The following ALK variants were observed in gnomAD, a reference collection of about 807,000 sequenced individuals.
The protein encoded by ALK is ALK tyrosine kinase receptor.
ALK carries 74 observed loss-of-function variants against 163.1 expected under a neutral mutation model. That is an observed-to-expected ratio of 0.45 (90% CI 0.38 to 0.55). ALK has a LOEUF of 0.55. Among genes scored for constraint, ALK ranks in the 20% least tolerant of loss-of-function variants. The pLI is 0.00. For missense variants in ALK, 2,063 were observed against 2,105.3 expected, an observed-to-expected ratio of 0.98 and a Z score of 0.39; for synonymous variants, 960 against 843.2, an observed-to-expected ratio of 1.14 and a Z score of -2.40.
At chr2:29,222,860 A>G (rs1400815436) in intron 20 of ALK, among the ~76,000 whole-genome samples, 6 of 152,212 alleles carry the variant, frequency 3.9e-5, no homozygotes, top group African/African-American at 1.4e-4. Flanking sequence ...TCATTCAATC[A>G]GTAGTTATTG....
chr2:29,236,298 T>A (rs1042592043), intron 13 of ALK, among the ~76,000 whole-genome samples: 1 of 152,104 alleles, frequency 6.6e-6, no homozygotes. Flanking sequence ...CTCTGCTCCA[T>A]CTCCCCTCTT....
chr2:29,300,329 A>C (rs961103380), intron 8 of ALK, among the ~76,000 whole-genome samples: 2 of 152,114 alleles, frequency 1.3e-5, no homozygotes, highest in African/African-American at 4.8e-5. Flanking sequence ...CAGGTGGATC[A>C]CTTGAGGTCA....
intron 1 of ALK, among the ~76,000 whole-genome samples, chr2:29,810,150 G>A (rs1196324669): frequency 1.3e-5 from 2 of 152,144 alleles, no homozygotes; most frequent in African/African-American, 4.8e-5. Flanking sequence ...AGCCGGACAT[G>A]GTGGCTCATG....
intron 9 of ALK, among the ~76,000 whole-genome samples, chr2:29,284,739 C>A (rs917101854): frequency 6.6e-6 from 1 of 152,196 alleles, no homozygotes; most frequent in Non-Finnish European, 1.5e-5. Context: ...CTACTCCTTG[C>A]TCCAATGATC....
At chr2:29,743,308 G>T (rs1015448005) in intron 1 of ALK, among the ~76,000 whole-genome samples, 2 of 152,152 alleles carry the variant, frequency 1.3e-5, no homozygotes, top group Non-Finnish European at 2.9e-5. Flanking sequence ...AGAGTATGAT[G>T]TTCGACTTGG....
intron 11 of ALK, among the ~76,000 whole-genome samples, chr2:29,260,051 T>C (rs1483161790): frequency 6.6e-6 from 1 of 152,206 alleles, no homozygotes; most frequent in African/African-American, 2.4e-5. Context: ...ATGTGTGTCA[T>C]CTTTTTCATT....
At chr2:29,862,892 AC>A (rs1455870795) in intron 1 of ALK, among the ~76,000 whole-genome samples, 1 of 152,266 alleles carries the variant, frequency 6.6e-6, no homozygotes, top group Non-Finnish European at 1.5e-5. Flanking sequence ...AGTAATCAAA[AC>A]ATCATACTGG....
chr2:29,548,707 A>C (rs1471238227), intron 3 of ALK, among the ~76,000 whole-genome samples: 1 of 152,188 alleles, frequency 6.6e-6, no homozygotes, highest in Non-Finnish European at 1.5e-5. Flanking sequence ...TGCCAAGTAC[A>C]GTGTTTCTTC....
chr2:29,385,666 C>T (rs568456837), intron 4 of ALK, among the ~76,000 whole-genome samples: 2 of 152,298 alleles, frequency 1.3e-5, no homozygotes, highest in South Asian at 4.1e-4. Context: ...GCTGAGATTG[C>T]AGGTGTGAGC....
intron 12 of ALK, among the ~76,000 whole-genome samples, chr2:29,248,994 A>G (rs4293530): frequency 0.046 from 7,008 of 152,212 alleles, 545 homozygotes; most frequent in African/African-American, 0.16. Flanking sequence ...TGATTTCTCC[A>G]CCCATGGGCC....
intron 1 of ALK, among the ~76,000 whole-genome samples, chr2:29,872,564 A>G (rs1666606689): frequency 6.6e-6 from 1 of 152,190 alleles, no homozygotes; most frequent in South Asian, 2.1e-4. Flanking sequence ...GTTTATCCTC[A>G]TGGTTGTGTG....
intron 4 of ALK, among the ~76,000 whole-genome samples, chr2:29,456,558 G>A (rs1670958661): frequency 6.6e-6 from 1 of 152,136 alleles, no homozygotes; most frequent in African/African-American, 2.4e-5. Context: ...AGGGGCTAGA[G>A]GGAGAATGAG....
chr2:29,506,083 C>G (rs1672312111), intron 4 of ALK, among the ~76,000 whole-genome samples: 1 of 152,100 alleles, frequency 6.6e-6, no homozygotes, highest in African/African-American at 2.4e-5. Context: ...GTAACTGTGG[C>G]CAGGAAGGAA....
chr2:29,594,051 T>C (rs557098530), intron 3 of ALK, among the ~76,000 whole-genome samples: 1 of 152,284 alleles, frequency 6.6e-6, no homozygotes, highest in Admixed American at 6.5e-5. Flanking sequence ...TACTAGTATC[T>C]AGTGGGTAGA....
chr2:29,428,636 C>T (rs1488865989), intron 4 of ALK, among the ~76,000 whole-genome samples: 1 of 151,704 alleles, frequency 6.6e-6, no homozygotes, highest in Admixed American at 6.6e-5. Flanking sequence ...AAGAAATTAC[C>T]TACAAAGAAA....
At chr2:29,526,566 A>C (rs540804219) in intron 4 of ALK, among the ~76,000 whole-genome samples, 5 of 152,342 alleles carry the variant, frequency 3.3e-5, no homozygotes, top group African/African-American at 1.2e-4. Flanking sequence ...AAAAGAGAGA[A>C]GCTGACTCTA....
chr2:29,256,103 C>T (rs1664943013), intron 11 of ALK, among the ~76,000 whole-genome samples: 2 of 152,292 alleles, frequency 1.3e-5, no homozygotes, highest in Admixed American at 6.5e-5. Context: ...GCAATGGGCA[C>T]CACTTTGTGG....
intron 1 of ALK, among the ~76,000 whole-genome samples, chr2:29,840,455 A>G (rs149786657): frequency 6.6e-6 from 1 of 152,314 alleles, no homozygotes; most frequent in Non-Finnish European, 1.5e-5. Context: ...GTCTAGTAAC[A>G]GTTAGTAATT....
chr2:29,621,618 G>C (rs571946703), intron 3 of ALK, among the ~76,000 whole-genome samples: 2 of 152,202 alleles, frequency 1.3e-5, no homozygotes, highest in Non-Finnish European at 2.9e-5. Context: ...TCATCATGTG[G>C]GACCCTGGAA....
Sources: gnomAD v4.1 joint callset for allele counts (sites outside exome capture counted in the v4.1 genomes callset) on GRCh38, gnomAD v4.1.1 for gene constraint, MANE v1.5 for transcripts, NCBI Gene and HGNC (gene_info 2026-07-23, HGNC 2026-07-21) for gene names.